BRF1: variants seen among roughly 807,000 people sequenced by gnomAD.
BRF1 encodes transcription factor IIIB 90 kDa subunit.
BRF1 carries 59 observed loss-of-function variants against 81.7 expected under a neutral mutation model. That is an observed-to-expected ratio of 0.72 (90% CI 0.59 to 0.90). The LOEUF (loss-of-function observed/expected upper bound fraction) is 0.90. Among genes scored for constraint, BRF1 ranks in the 40% least tolerant of loss-of-function variants. The pLI, the probability that BRF1 is intolerant of heterozygous loss-of-function variation, is 0.00. For synonymous variants in BRF1, 491 were observed against 395.6 expected (o/e 1.24, Z -2.86); for missense variants, 1,050 against 936.3 (o/e 1.12, Z -1.58).
chr14:105,281,891 A>G lies in BRF1; in HGVS notation c.265+4405T>C, dbSNP rs955571046. On this transcript the variant is annotated intron_variant, in intron 2 of 17. Coordinates refer to ENST00000547530, the MANE Select transcript of BRF1 (RefSeq NM_001519.4). ...CAGGTGGTTCATGGAAGGTCAGCAC[A>G]TTTCATGCACTTTACTATGCGTGCT... Among the ~76,000 whole-genome samples, 5 of 152,058 alleles carry G rather than the reference A, an allele frequency of 3.3e-5. No individual in the cohort carries two copies. In the East Asian group the frequency reaches 7.7e-4, roughly 23 times the overall value.
At chr14:105,275,861 G>A (rs1053959512) in intron 2 of BRF1, among the ~76,000 whole-genome samples, 24 of 152,242 alleles carry the variant, frequency 1.6e-4, no homozygotes, top group Admixed American at 5.2e-4. Context: ...CTTAAAAACC[G>A]GACCCCAGAG....
intron 15 of BRF1, among the ~76,000 whole-genome samples, chr14:105,215,079 C>A (rs1014525713): frequency 2.2e-4 from 34 of 152,152 alleles, no homozygotes; most frequent in African/African-American, 8.2e-4. Context: ...TAAATATTCC[C>A]GAATCAGATC....
chr14:105,272,753 A>C lies in BRF1; in HGVS notation c.407T>G (p.Leu136Arg). The C allele has an allele frequency of 6.2e-7, 1 of 1,613,736 alleles. No homozygotes were observed. The part of the protein sequence containing the change: ...RKMAHVIAAC[L>R]YLVCRTEGTP... ...GCCCTCCGTACGGCAGACCAGGTAG[A>C]GGCAGGCAGCAATCACGTGGGCCAT... Residue 136 changes from leucine (L) to arginine (R), a missense_variant, in exon 3 of 18, where the codon CTC (leucine) becomes CGC (arginine). Physicochemically the swap from Leu to Arg is moderately radical, Grantham distance 102. Transcript: ENST00000547530.
intron 7 of BRF1, among the ~76,000 whole-genome samples, chr14:105,228,537 G>C (rs1471951238): frequency 6.9e-6 from 1 of 145,002 alleles, no homozygotes; most frequent in South Asian, 2.2e-4. Flanking sequence ...GAGCAAGGCT[G>C]TTCCTCAAAA....
chr14:105,249,217 G>A (rs770427024), intron 5 of BRF1: 31 of 1,587,230 alleles, frequency 2.0e-5, no homozygotes, highest in East Asian at 2.3e-5. Flanking sequence ...TGGGGCCCCC[G>A]GGGGCGACCA....
chr14:105,210,755 G>A lies in BRF1; in HGVS notation c.1997-167C>T, dbSNP rs587755060. On this transcript the variant is annotated intron_variant, in intron 17 of 17. Transcript: ENST00000547530. The surrounding 1 kb of genome is among the most constrained non-coding windows in gnomAD (Gnocchi z 4.7). ...CATCTTGGGCTCCTCTCCACCTCCC[G>A]GGACTGGCATGCACCCAGAGCAGGG... Among the ~76,000 whole-genome samples the A allele has an allele frequency of 1.3e-4, 19 of 143,724 alleles. No homozygotes were observed. In the South Asian group the frequency reaches 1.7e-3, roughly 13 times the overall value. 94.3% of individuals were successfully genotyped at this position (143,724 alleles called of 152,430 possible). A position where few individuals can be genotyped will look rare whatever the true frequency, so the allele number is the denominator to read the frequency against.
In BRF1 at chr14:105,300,898, C is replaced by G. The variant is rs1186303106; in HGVS notation, c.-269G>C. On this transcript the variant is annotated 5_prime_UTR_variant, in exon 1 of 18. Coordinates refer to ENST00000547530, the MANE Select transcript of BRF1 (RefSeq NM_001519.4). The stretch of plus-strand genomic sequence containing the variant: ...CCGCGACCTCCCCACTGCGAGCGAG[C>G]TGGCCTCCCTTGCGGCGCGCCGGCG... 6.2e-6 allele frequency: 1 copy of G among 162,080 alleles called. No individual in the cohort carries two copies. The highest frequency in any genetic ancestry group is 1.3e-5 in the Non-Finnish European group (1 of 75,000). 10.0% of individuals were successfully genotyped at this position (162,080 alleles called of 1,614,324 possible).
chr14:105,241,476 C>T, intron 5 of BRF1, 62 bp from the exon 6 acceptor site: 1 of 1,596,026 alleles, frequency 6.3e-7, no homozygotes, highest in South Asian at 1.1e-5. Flanking sequence ...CACAGGCGGC[C>T]CACGCAGCCC....
Position 105,211,242 on chromosome 14 carries a change from C to T in BRF1, c.1876G>A (p.Ala626Thr), listed in dbSNP as rs139275410. Residue 626 changes from alanine to threonine, a missense_variant, in exon 17 of 18, where the codon GCG (alanine) becomes ACG (threonine). Ala to Thr is a moderately conservative substitution (Grantham distance 58). Around this residue, in one of 2 missense-constraint regions of BRF1, gnomAD observed 1,043 missense variants for 915.4 expected, o/e 1.14. Transcript: ENST00000547530. Reference protein sequence around the residue: ...TLGAEPARPQAVLVESGPVSY... With the variant: ...TLGAEPARPQTVLVESGPVSY... The stretch of plus-strand genomic sequence containing the variant: ...ACGGGCCCGCTCTCCACCAGCACCG[C>T]CTGGGGCCTGGCAGGCTCAGCTCCG... 119 of 1,609,486 alleles carry T rather than the reference C, an allele frequency of 7.4e-5. No homozygotes were observed. In the African/African-American group the frequency reaches 1.3e-3, roughly 17 times the overall value.
At chr14:105,286,508 C>T (rs749969755) in intron 1 of BRF1, 132 bp from the exon 2 acceptor site, 37 of 869,214 alleles carry the variant, frequency 4.3e-5, no homozygotes, top group Non-Finnish European at 6.1e-5. Flanking sequence ...CAGGTCGGCC[C>T]CCCGCACCTC....
chr14:105,295,879 G>A (rs2057717491), intron 1 of BRF1, among the ~76,000 whole-genome samples: 1 of 151,542 alleles, frequency 6.6e-6, no homozygotes, highest in Non-Finnish European at 1.5e-5. Context: ...AGAAGTTCAA[G>A]ACCAGCCTCA....
chr14:105,285,262 C>G (rs929383699), intron 2 of BRF1, among the ~76,000 whole-genome samples: 8 of 152,234 alleles, frequency 5.3e-5, no homozygotes, highest in African/African-American at 1.9e-4. Context: ...GATTTCAAAA[C>G]TGACTGCGAA....
intron 3 of BRF1, among the ~76,000 whole-genome samples, chr14:105,262,319 G>C (rs2056196880): frequency 1.3e-5 from 2 of 152,192 alleles, no homozygotes; most frequent in Admixed American, 6.5e-5. Flanking sequence ...CCGCCTGGAG[G>C]TGTGGCACAG....
At chr14:105,258,247 G>A (rs879341895) in intron 3 of BRF1, among the ~76,000 whole-genome samples, 1 of 152,194 alleles carries the variant, frequency 6.6e-6, no homozygotes, top group African/African-American at 2.4e-5. Context: ...CCAGCACTTC[G>A]GGAGGCCGAG....
intron 10 of BRF1, among the ~76,000 whole-genome samples, chr14:105,224,887 T>A (rs1426054518): frequency 6.6e-6 from 1 of 152,222 alleles, no homozygotes; most frequent in Non-Finnish European, 1.5e-5. Context: ...TGTGTTCCAA[T>A]ACAAGATTCC....
At position 105,314,773 on chromosome 14, in the gene BRF1, G is replaced by C. The variant is rs900456808; in HGVS notation, c.-162+549C>G. On this transcript the variant is annotated intron_variant, in intron 1 of 17. Coordinates refer to the BRF1 transcript ENST00000327359. Reference sequence around the variant, plus strand: ...GCAGCTCGTCGCCGCCCGCGGGCCTGTCCGACGCCGGGGCCCGGCCCGTCC... The same window carrying C: ...GCAGCTCGTCGCCGCCCGCGGGCCTCTCCGACGCCGGGGCCCGGCCCGTCC... 323 of 178,994 alleles carry C rather than the reference G, an allele frequency of 1.8e-3. 2 individuals carry two copies. The highest frequency in any genetic ancestry group is 7.4e-3 in the African/African-American group (304 of 41,090). The allele number at this position is 178,994 out of a possible 1,614,324, so 11.1% of individuals were successfully genotyped here. A position where few individuals can be genotyped will look rare whatever the true frequency, so the allele number is the denominator to read the frequency against.
intron 1 of BRF1, among the ~76,000 whole-genome samples, chr14:105,294,963 A>G (rs2057673075): frequency 6.6e-6 from 1 of 152,232 alleles, no homozygotes; most frequent in Non-Finnish European, 1.5e-5. Flanking sequence ...TGAGAAAGAA[A>G]GCTTTGGGAC....
At position 105,212,121 on chromosome 14, in the gene BRF1, T is replaced by C. The variant is rs1442201105; in HGVS notation, c.1816A>G (p.Thr606Ala). 5 of 1,612,764 alleles carry C rather than the reference T, an allele frequency of 3.1e-6. No homozygotes were observed. The highest frequency in any genetic ancestry group is 1.1e-5 in the South Asian group (1 of 90,994). ...TGCGTGGGACAACACACCTCTCCCG[T>C]GGCCACCTTCTTTGCTGGCTGCGTA... ...VSTQPAKKVA[T>A]GEALLPSSPT... is the part of the protein sequence containing the mutation. Residue 606 changes from threonine (T) to alanine (A), a missense_variant, in exon 16 of 18, where the codon ACG becomes GCG. By Grantham distance (58) the Thr-to-Ala change is moderately conservative (BLOSUM62 0). Transcript: ENST00000547530.
intron 11 of BRF1, 44 bp downstream of exon 11, chr14:105,221,604 C>T (rs780837136): frequency 6.3e-7 from 1 of 1,579,268 alleles, no homozygotes; most frequent in South Asian, 1.2e-5. Flanking sequence ...CCTGAAAGAT[C>T]TCCCGATGAC....
Sources: gnomAD v4.1 joint callset for allele counts (sites outside exome capture counted in the v4.1 genomes callset) on GRCh38, gnomAD v4.1.1 for gene constraint, gnomAD v4.1.1 regional missense constraint, Gnocchi (gnomAD v3.1) non-coding constraint, MANE v1.5 for transcripts, NCBI Gene and HGNC (gene_info 2026-07-23, HGNC 2026-07-21) for gene names.